Variants in PDE7B observed in about 807,000 individuals in gnomAD.
PDE7B encodes the protein phosphodiesterase 7B.
PDE7B carries 29 observed loss-of-function variants against 56.2 expected under a neutral mutation model. The observed-to-expected ratio is 0.52, with a 90% CI of 0.38 to 0.70. The LOEUF is 0.70. PDE7B is among the 30% of genes least tolerant of loss of function. PDE7B has a pLI of 0.00. For synonymous variants in PDE7B, 197 were observed against 196.9 expected, an observed-to-expected ratio of 1.00 and a Z score of 0.00; for missense variants, 490 against 565.0, an observed-to-expected ratio of 0.87 and a Z score of 1.35.
intron 11 of PDE7B, among the ~76,000 whole-genome samples, chr6:136,182,571 A>G (rs1188548642): frequency 2.0e-5 from 3 of 152,238 alleles, no homozygotes; most frequent in Admixed American, 6.5e-5. Context: ...GTTTTGACTC[A>G]ATCATGCCCA....
intron 2 of PDE7B, among the ~76,000 whole-genome samples, chr6:136,099,546 A>G (rs942254139): frequency 6.6e-6 from 1 of 152,088 alleles, no homozygotes; most frequent in East Asian, 1.9e-4. Flanking sequence ...GCATTTTTTC[A>G]TATGTCTGTT....
At chr6:135,953,431 G>A (rs1774735825) in intron 2 of PDE7B, among the ~76,000 whole-genome samples, 1 of 152,104 alleles carries the variant, frequency 6.6e-6, no homozygotes, top group African/African-American at 2.4e-5. Context: ...GCAGAGGCAT[G>A]TCATTTAGGG....
intron 2 of PDE7B, among the ~76,000 whole-genome samples, chr6:136,023,800 A>G (rs1365726843): frequency 6.9e-6 from 1 of 145,088 alleles, no homozygotes; most frequent in Non-Finnish European, 1.6e-5. Flanking sequence ...AAATAGATAT[A>G]TCTATATATG....
intron 1 of PDE7B, among the ~76,000 whole-genome samples, chr6:135,879,279 A>G (rs1423174371): frequency 1.3e-5 from 2 of 152,178 alleles, no homozygotes; most frequent in East Asian, 3.8e-4. Context: ...GGAATGAAGT[A>G]AATAGACCTT....
intron 1 of PDE7B, among the ~76,000 whole-genome samples, chr6:135,914,221 A>G (rs569492462): frequency 6.6e-6 from 1 of 152,288 alleles, no homozygotes; most frequent in South Asian, 2.1e-4. Flanking sequence ...TCATTGACAT[A>G]TAATTTATAT....
At chr6:135,898,867 T>C (rs1775947675) in intron 1 of PDE7B, among the ~76,000 whole-genome samples, 1 of 152,268 alleles carries the variant, frequency 6.6e-6, no homozygotes, top group East Asian at 1.9e-4. Context: ...TTAAACCTTT[T>C]CAAGATTTTT....
chr6:135,887,155 G>A (rs1023758087), intron 1 of PDE7B, among the ~76,000 whole-genome samples: 3 of 152,000 alleles, frequency 2.0e-5, no homozygotes, highest in East Asian at 1.9e-4. Flanking sequence ...TTGGCTGTTC[G>A]TAAATCTGTT....
rs143821811 is a variant in PDE7B, at chr6:136,097,466, C to A, written c.83-11265C>A. 4.6e-4 allele frequency among the ~76,000 whole-genome samples: 70 copies of A among 152,140 alleles called. No individual in the cohort carries two copies. The East Asian group carries it at 0.012, about 27-fold the overall frequency. The stretch of plus-strand genomic sequence containing the variant: ...CTCCTACACATCTCTAAAACCTATT[C>A]ACTTCCCTCTCCCAGCATCAGCACC... On this transcript the variant is annotated intron_variant, in intron 2 of 12. Coordinates refer to ENST00000308191, the MANE Select transcript of PDE7B (RefSeq NM_018945.4).
At chr6:136,156,164 T>A (rs1054249978) in intron 8 of PDE7B, 27 of 214,062 alleles carry the variant, frequency 1.3e-4, no homozygotes, top group South Asian at 7.3e-4. Flanking sequence ...ATGATCCAAG[T>A]GTGTGTGTGT....
At chr6:135,975,963 T>C (rs1775179308) in intron 2 of PDE7B, among the ~76,000 whole-genome samples, 1 of 152,034 alleles carries the variant, frequency 6.6e-6, no homozygotes, top group South Asian at 2.1e-4. Context: ...AATGCAGGAT[T>C]TGGAACCTTG....
intron 1 of PDE7B, among the ~76,000 whole-genome samples, chr6:135,857,555 T>C (rs1775059807): frequency 6.6e-6 from 1 of 152,124 alleles, no homozygotes; most frequent in African/African-American, 2.4e-5. Flanking sequence ...TATGCCTGGA[T>C]TGGTCAAAAT....
chr6:136,120,714 G>A (rs1777915466), intron 3 of PDE7B, among the ~76,000 whole-genome samples: 1 of 152,166 alleles, frequency 6.6e-6, no homozygotes, highest in Admixed American at 6.5e-5. Context: ...TGGTGGTCTT[G>A]CTTTTGTGGC....
intron 1 of PDE7B, among the ~76,000 whole-genome samples, chr6:135,908,744 CA>C (rs1583760095): frequency 6.6e-6 from 1 of 152,048 alleles, no homozygotes; most frequent in African/African-American, 2.4e-5. Context: ...TTCCCATTTG[CA>C]AAAAGTTCAG....
At chr6:136,088,613 G>A (rs1013324091) in intron 2 of PDE7B, among the ~76,000 whole-genome samples, 4 of 152,108 alleles carry the variant, frequency 2.6e-5, no homozygotes, top group South Asian at 2.1e-4. Flanking sequence ...GTCCAGAAAC[G>A]GGAAATCTGT....
intron 2 of PDE7B, among the ~76,000 whole-genome samples, chr6:135,997,757 A>C (rs1294706602): frequency 6.6e-6 from 1 of 152,200 alleles, no homozygotes; most frequent in Non-Finnish European, 1.5e-5. Flanking sequence ...TAAATGGAGA[A>C]GGAGAACACA....
rs547550219 is a variant in PDE7B, at chr6:135,895,789, G to T, written c.21+43770G>T. ...AGCCTTTAGCTTGAGTGTTCTTGGA[G>T]GGGCAAAGGGAAAAAAGGCAGAAAG... On this transcript the variant is annotated intron_variant, in intron 1 of 12. Transcript: ENST00000308191. Among the ~76,000 whole-genome samples the T allele has an allele frequency of 9.2e-5, 14 of 152,172 alleles. No homozygotes were observed. In the South Asian group the frequency reaches 2.9e-3, roughly 32 times the overall value.
intron 2 of PDE7B, chr6:136,094,889 G>T (rs960428440): frequency 6.6e-6 from 1 of 152,186 alleles, no homozygotes; most frequent in Admixed American, 6.5e-5. Flanking sequence ...ACCTAGTCAT[G>T]CAGACAAGGA....
intron 2 of PDE7B, among the ~76,000 whole-genome samples, chr6:136,102,059 T>A (rs1777571749): frequency 1.3e-5 from 2 of 152,186 alleles, no homozygotes; most frequent in Admixed American, 1.3e-4. Context: ...AGGAGTGCTT[T>A]AGAGAGCAAG....
At chr6:135,950,541 C>T (rs1774680474) in intron 2 of PDE7B, among the ~76,000 whole-genome samples, 1 of 151,996 alleles carries the variant, frequency 6.6e-6, no homozygotes, top group Admixed American at 6.6e-5. Context: ...TATGGGGCCA[C>T]CTCAATATTC....
Sources: gnomAD v4.1 joint callset for allele counts (sites outside exome capture counted in the v4.1 genomes callset) on GRCh38, gnomAD v4.1.1 for gene constraint, MANE v1.5 for transcripts, NCBI Gene and HGNC (gene_info 2026-07-23, HGNC 2026-07-21) for gene names.